Variants in LUZP2 observed in about 807,000 individuals in gnomAD.
LUZP2 encodes leucine zipper protein 2.
A neutral mutation model predicts 51.6 loss-of-function variants in LUZP2; 52 were observed. The ratio of observed to expected loss-of-function variants is 1.01; its 90% confidence interval spans 0.81 to 1.27. The LOEUF (loss-of-function observed/expected upper bound fraction) is 1.27. Among genes scored for constraint, LUZP2 ranks in the 50% most tolerant of loss-of-function variants. The probability of loss-of-function intolerance (pLI) is 0.00; values close to 1 mark genes in which losing one functional copy is unlikely to be tolerated. For synonymous variants in LUZP2, 154 were observed against 137.3 expected, an observed-to-expected ratio of 1.12 and a Z score of -0.85; for missense variants, 436 against 395.4, an observed-to-expected ratio of 1.10 and a Z score of -0.87.
chr11:24,897,601 G>T (rs927441569), intron 5 of LUZP2, among the ~76,000 whole-genome samples: 1 of 152,116 alleles, frequency 6.6e-6, no homozygotes, highest in African/African-American at 2.4e-5. Flanking sequence ...CCAGAAGGAA[G>T]AAACTCTGAC....
chr11:24,818,678 A>G (rs1487874276), intron 5 of LUZP2, among the ~76,000 whole-genome samples: 1 of 152,030 alleles, frequency 6.6e-6, no homozygotes, highest in African/African-American at 2.4e-5. Flanking sequence ...AGATTATTAT[A>G]TATCATGCTC....
intron 10 of LUZP2, among the ~76,000 whole-genome samples, chr11:25,067,490 T>TATGG (rs1859031100): frequency 6.6e-6 from 1 of 152,034 alleles, no homozygotes; most frequent in Non-Finnish European, 1.5e-5. Context: ...CTTGGTTTTC[T>TATGG]TCTAGGGTTT....
At chr11:24,668,318 G>A (rs1465609359) in intron 1 of LUZP2, among the ~76,000 whole-genome samples, 2 of 152,188 alleles carry the variant, frequency 1.3e-5, no homozygotes, top group Non-Finnish European at 2.9e-5. Flanking sequence ...GTAAATGTCT[G>A]GATTTCAGGC....
intron 9 of LUZP2, among the ~76,000 whole-genome samples, chr11:25,025,616 T>G (rs900211456): frequency 3.3e-5 from 5 of 152,120 alleles, no homozygotes; most frequent in African/African-American, 9.7e-5. Flanking sequence ...CCAGTTAGAA[T>G]GGCGATCATT....
chr11:24,694,978 C>T (rs368904061), intron 1 of LUZP2, among the ~76,000 whole-genome samples: 11 of 151,534 alleles, frequency 7.3e-5, no homozygotes, highest in South Asian at 6.3e-4. Flanking sequence ...CTAATGCATA[C>T]GGGGCTTGAA....
chr11:25,038,711 A>C (rs190215789), intron 9 of LUZP2, among the ~76,000 whole-genome samples: 14 of 152,318 alleles, frequency 9.2e-5, no homozygotes, highest in African/African-American at 3.1e-4. Flanking sequence ...TTTGTAGGTA[A>C]GGGGACACTG....
At chr11:24,556,635 A>AT (rs1221869962) in intron 1 of LUZP2, among the ~76,000 whole-genome samples, 1 of 152,144 alleles carries the variant, frequency 6.6e-6, no homozygotes, top group Non-Finnish European at 1.5e-5. Context: ...TTCTCATCAA[A>AT]TGTTCTTCCT....
At chr11:24,657,560 T>G (rs909069401) in intron 1 of LUZP2, among the ~76,000 whole-genome samples, 8 of 152,136 alleles carry the variant, frequency 5.3e-5, no homozygotes, top group African/African-American at 1.9e-4. Context: ...TCAACTAATG[T>G]TGGAACTTCT....
chr11:24,799,686 C>G (rs1200823504), intron 5 of LUZP2, among the ~76,000 whole-genome samples: 1 of 151,982 alleles, frequency 6.6e-6, no homozygotes, highest in Admixed American at 6.6e-5. Flanking sequence ...AGTAAACTCA[C>G]CTAGCATCTT....
chr11:24,911,877 C>A (rs1402270596), intron 6 of LUZP2, among the ~76,000 whole-genome samples: 2 of 152,096 alleles, frequency 1.3e-5, no homozygotes, highest in Non-Finnish European at 2.9e-5. Flanking sequence ...TTCATAAAAG[C>A]CATTGGCAAC....
chr11:24,858,031 G>C (rs950992843), intron 5 of LUZP2, among the ~76,000 whole-genome samples: 1 of 152,010 alleles, frequency 6.6e-6, no homozygotes, highest in East Asian at 1.9e-4. Context: ...CTGGGATGAG[G>C]ACTCTCACAG....
chr11:24,892,660 A>T lies in LUZP2; in HGVS notation c.397-13331A>T, dbSNP rs781600416. ...GTATCCTGAAAAACAAGTAATGTGTATATTTCATTTATTTTATACATAAGA... is the reference window on the plus strand; with the variant it reads ...GTATCCTGAAAAACAAGTAATGTGTTTATTTCATTTATTTTATACATAAGA... On this transcript the variant is annotated intron_variant, in intron 5 of 11. Coordinates refer to ENST00000336930, the MANE Select transcript of LUZP2 (RefSeq NM_001009909.4). 46 of 162,866 alleles carry T rather than the reference A, an allele frequency of 2.8e-4. 2 individuals carry two copies. The highest frequency in any genetic ancestry group is 1.2e-3 in the South Asian group (6 of 4,998). 10.1% of individuals were successfully genotyped at this position (162,866 alleles called of 1,614,324 possible).
intron 7 of LUZP2, among the ~76,000 whole-genome samples, chr11:24,944,727 A>C (rs999105758): frequency 5.9e-5 from 9 of 152,160 alleles, no homozygotes; most frequent in African/African-American, 2.2e-4. Context: ...AACTCAAGGC[A>C]TGAGAGAGAA....
chr11:25,046,408 AT>A (rs768604495), intron 9 of LUZP2, among the ~76,000 whole-genome samples: 13 of 152,132 alleles, frequency 8.5e-5, no homozygotes, highest in Non-Finnish European at 1.3e-4. Flanking sequence ...GGGAAATACA[AT>A]TTAAATTGCT....
chr11:24,770,881 T>C (rs78996689), intron 5 of LUZP2, among the ~76,000 whole-genome samples: 12,190 of 152,192 alleles, frequency 0.08, 1,053 homozygotes, highest in African/African-American at 0.22. Flanking sequence ...TTGGCTGTCT[T>C]GAGAAAGCAC....
chr11:24,538,706 T>C (rs924181989), intron 1 of LUZP2, among the ~76,000 whole-genome samples: 2 of 151,568 alleles, frequency 1.3e-5, no homozygotes, highest in African/African-American at 4.8e-5. Context: ...AATAAGTCCA[T>C]TTCTGATAAT....
intron 1 of LUZP2, among the ~76,000 whole-genome samples, chr11:24,582,739 G>C (rs773138143): frequency 6.6e-6 from 1 of 151,876 alleles, no homozygotes; most frequent in East Asian, 1.9e-4. Context: ...TGGTTCCAGC[G>C]GTTTTGTTTT....
chr11:24,899,252 A>G (rs1204201173), intron 5 of LUZP2, among the ~76,000 whole-genome samples: 6 of 152,048 alleles, frequency 3.9e-5, no homozygotes, highest in East Asian at 1.9e-4. Context: ...GATTTATTAT[A>G]TATCTTATAG....
chr11:24,742,533 A>G (rs1590433561), intron 4 of LUZP2, among the ~76,000 whole-genome samples: 1 of 151,814 alleles, frequency 6.6e-6, no homozygotes, highest in South Asian at 2.1e-4. Flanking sequence ...TCCTTAGCCC[A>G]CTTTTTGATG....
Sources: gnomAD v4.1 joint callset for allele counts (sites outside exome capture counted in the v4.1 genomes callset) on GRCh38, gnomAD v4.1.1 for gene constraint, MANE v1.5 for transcripts, NCBI Gene and HGNC (gene_info 2026-07-23, HGNC 2026-07-21) for gene names.